The following XYLT1 variants were observed in gnomAD, a reference collection of about 807,000 sequenced individuals.
The protein encoded by XYLT1 is xylosyltransferase 1.
Under a neutral mutation model 91.3 loss-of-function variants are expected in XYLT1, and 36 were observed. The observed-to-expected ratio is 0.39, with a 90% confidence interval of 0.30 to 0.52. XYLT1 has a LOEUF of 0.52. Ranked by LOEUF, XYLT1 falls within the 20% of genes least tolerant of loss-of-function variation. XYLT1 has a pLI of 0.68. For synonymous variants in XYLT1, 588 were observed against 532.0 expected (o/e 1.11, Z -1.45); for missense variants, 1,242 against 1,284.5 (o/e 0.97, Z 0.51).
At chr16:17,196,475 G>T (rs1256806669) in intron 5 of XYLT1, among the ~76,000 whole-genome samples, 1 of 152,154 alleles carries the variant, frequency 6.6e-6, no homozygotes, top group African/African-American at 2.4e-5. Context: ...CCCACTGTTG[G>T]GGGAAGAGGA....
At chr16:17,198,787 C>T (rs937242328) in intron 4 of XYLT1, among the ~76,000 whole-genome samples, 6 of 152,140 alleles carry the variant, frequency 3.9e-5, no homozygotes, top group South Asian at 2.1e-4. Flanking sequence ...CTCCGTCACC[C>T]GGGCTGGAAC....
At chr16:17,356,349 A>T (rs1567390208) in intron 2 of XYLT1, among the ~76,000 whole-genome samples, 1 of 152,202 alleles carries the variant, frequency 6.6e-6, no homozygotes, top group Non-Finnish European at 1.5e-5. Flanking sequence ...GAGGACAGCC[A>T]AACAGGCAGA....
chr16:17,225,239 G>A (rs182624946), intron 3 of XYLT1, among the ~76,000 whole-genome samples: 209 of 151,380 alleles, frequency 1.4e-3, no homozygotes, highest in South Asian at 2.5e-3. Flanking sequence ...GTTCTGAAAC[G>A]TCAACTGTTT....
intron 1 of XYLT1, among the ~76,000 whole-genome samples, chr16:17,457,272 C>T (rs974633767): frequency 7.9e-5 from 12 of 152,220 alleles, no homozygotes; most frequent in African/African-American, 2.9e-4. Flanking sequence ...ACCTGACTCA[C>T]AAAGCTCTAG....
At chr16:17,194,980 T>C (rs111227548) in intron 5 of XYLT1, among the ~76,000 whole-genome samples, 2 of 152,350 alleles carry the variant, frequency 1.3e-5, no homozygotes, top group South Asian at 4.1e-4. Flanking sequence ...CCTCATTCTT[T>C]TATTATACTC....
intron 5 of XYLT1, among the ~76,000 whole-genome samples, chr16:17,164,910 A>T (rs758030221): frequency 6.6e-6 from 1 of 152,170 alleles, no homozygotes; most frequent in Non-Finnish European, 1.5e-5. Flanking sequence ...TTAGTTTTAA[A>T]ACTGGATGGT....
intron 1 of XYLT1, among the ~76,000 whole-genome samples, chr16:17,393,901 G>A (rs553187105): frequency 0.011 from 1,623 of 151,982 alleles, 14 homozygotes; most frequent in African/African-American, 0.024. Context: ...TCAGCCTCCC[G>A]AGTAGCTCGG....
intron 6 of XYLT1, among the ~76,000 whole-genome samples, chr16:17,149,632 G>A (rs1472274120): frequency 6.6e-6 from 1 of 152,118 alleles, no homozygotes. Flanking sequence ...CTCTTCCTAG[G>A]CTCTCAGGAA....
intron 2 of XYLT1, among the ~76,000 whole-genome samples, chr16:17,286,969 C>T (rs144743278): frequency 4.5e-4 from 69 of 152,178 alleles, no homozygotes; most frequent in Non-Finnish European, 4.4e-4. Flanking sequence ...GCCAAGGCCA[C>T]GATCATTCAC....
chr16:17,411,791 G>A (rs1038735452), intron 1 of XYLT1, among the ~76,000 whole-genome samples: 6 of 152,144 alleles, frequency 3.9e-5, no homozygotes, highest in Non-Finnish European at 7.4e-5. Context: ...CAGGGGCTCC[G>A]GAAACTGTCC....
intron 2 of XYLT1, among the ~76,000 whole-genome samples, chr16:17,292,283 G>C (rs933813170): frequency 5.3e-5 from 8 of 152,244 alleles, no homozygotes; most frequent in African/African-American, 1.9e-4. Flanking sequence ...ACATGTGAGA[G>C]ATATGAATTG....
At chr16:17,224,910 A>C (rs1052873142) in intron 3 of XYLT1, among the ~76,000 whole-genome samples, 4 of 152,146 alleles carry the variant, frequency 2.6e-5, no homozygotes, top group Non-Finnish European at 5.9e-5. Context: ...CAACTTCTCA[A>C]CTCTGCCACT....
chr16:17,236,899 A>AT (rs2033258339), intron 3 of XYLT1, among the ~76,000 whole-genome samples: 1 of 152,210 alleles, frequency 6.6e-6, no homozygotes, highest in Admixed American at 6.5e-5. Context: ...CAAAGACCCT[A>AT]TTTCCAAATA....
At chr16:17,125,227 T>C (rs1005906679) in intron 10 of XYLT1, among the ~76,000 whole-genome samples, 2 of 152,214 alleles carry the variant, frequency 1.3e-5, no homozygotes, top group African/African-American at 4.8e-5. Context: ...AAAGGCTCTA[T>C]GGATTCTCTT....
At chr16:17,239,869 C>T (rs899569757) in intron 3 of XYLT1, among the ~76,000 whole-genome samples, 5 of 152,124 alleles carry the variant, frequency 3.3e-5, no homozygotes, top group African/African-American at 1.2e-4. Context: ...ATTGACTCAT[C>T]CCATCCATGT....
At chr16:17,385,975 T>C (rs1258920807) in intron 1 of XYLT1, among the ~76,000 whole-genome samples, 1 of 152,194 alleles carries the variant, frequency 6.6e-6, no homozygotes, top group Non-Finnish European at 1.5e-5. Context: ...GTAAATGACT[T>C]AAAACATGTA....
intron 1 of XYLT1, among the ~76,000 whole-genome samples, chr16:17,363,637 T>C (rs1378773613): frequency 6.6e-6 from 1 of 152,186 alleles, no homozygotes; most frequent in African/African-American, 2.4e-5. Flanking sequence ...CCTCCTGGGT[T>C]CAAGCGATTC....
At chr16:17,449,385 C>A (rs1430366531) in intron 1 of XYLT1, among the ~76,000 whole-genome samples, 1 of 152,250 alleles carries the variant, frequency 6.6e-6, no homozygotes, top group Non-Finnish European at 1.5e-5. Context: ...TCTGCCAGGC[C>A]TGCAGCTGTG....
chr16:17,200,494 G>A lies in XYLT1; in HGVS notation c.1074C>T (p.Ile358=), dbSNP rs538990630. The A allele has an allele frequency of 1.2e-6, 2 of 1,613,410 alleles. No homozygotes were observed. The highest frequency in any genetic ancestry group is 2.2e-5 in the South Asian group (2 of 91,052). Residue 358 remains isoleucine, a synonymous_variant, in exon 4 of 12, where the codon ATC becomes ATT. Coordinates refer to ENST00000261381, the MANE Select transcript of XYLT1 (RefSeq NM_022166.4). The part of the protein sequence containing the change: ...AIYHKDHFYY[I]HVDKRSNYLH... ...AGAGGCCTCTCACCTTGTCCACGTG[G>A]ATGTAGTAGAAGTGGTCTTTGTGGT...
Sources: allele counts gnomAD v4.1 joint callset (sites outside exome capture counted in the v4.1 genomes callset), GRCh38; gene constraint gnomAD v4.1.1; transcripts MANE v1.5; gene names NCBI Gene and HGNC (gene_info 2026-07-23, HGNC 2026-07-21).